Variants in CPNE8 observed in about 807,000 individuals in gnomAD.
The protein encoded by CPNE8 is copine-8.
Under a neutral mutation model 81.5 loss-of-function variants are expected in CPNE8, and 45 were observed. The observed-to-expected ratio is 0.55, with a 90% CI of 0.44 to 0.71. CPNE8 has a LOEUF of 0.71. Among genes scored for constraint, CPNE8 ranks in the 30% least tolerant of loss-of-function variants. The pLI, the probability that CPNE8 is intolerant of heterozygous loss-of-function variation, is 0.00. For synonymous variants in CPNE8, 252 were observed against 226.3 expected, an observed-to-expected ratio of 1.11 and a Z score of -1.02; for missense variants, 594 against 672.1, an observed-to-expected ratio of 0.88 and a Z score of 1.28.
intron 10 of CPNE8, among the ~76,000 whole-genome samples, chr12:38,742,123 T>G (rs986665770): frequency 3.3e-5 from 5 of 152,186 alleles, no homozygotes; most frequent in African/African-American, 1.2e-4. Flanking sequence ...TGGCGATTCC[T>G]TAGGGATCTA....
chr12:38,890,550 C>T (rs1036024719), intron 1 of CPNE8, among the ~76,000 whole-genome samples: 1 of 151,814 alleles, frequency 6.6e-6, no homozygotes, highest in African/African-American at 2.4e-5. Flanking sequence ...TTGTGTGGCA[C>T]AAAATTTAAA....
intron 13 of CPNE8, among the ~76,000 whole-genome samples, chr12:38,703,380 C>T (rs138702032): frequency 0.013 from 1,973 of 152,164 alleles, 29 homozygotes; most frequent in South Asian, 0.042. Context: ...TTTTGACAAT[C>T]CCCCAAACAC....
intron 19 of CPNE8, among the ~76,000 whole-genome samples, chr12:38,658,417 C>A (rs562473326): frequency 1.3e-5 from 2 of 152,130 alleles, no homozygotes; most frequent in African/African-American, 4.8e-5. Context: ...ACCAAATCTA[C>A]GTTTGATTGG....
intron 1 of CPNE8, among the ~76,000 whole-genome samples, chr12:38,902,911 T>C (rs905367745): frequency 2.6e-5 from 4 of 152,138 alleles, no homozygotes; most frequent in Non-Finnish European, 5.9e-5. Flanking sequence ...ATAAGGTAAA[T>C]ACCATAACTA....
At chr12:38,696,429 C>A (rs1939799466) in intron 14 of CPNE8, among the ~76,000 whole-genome samples, 1 of 150,674 alleles carries the variant, frequency 6.6e-6, no homozygotes, top group African/African-American at 2.4e-5. Flanking sequence ...GAGTCTGGGA[C>A]AGTGTTTGTA....
chr12:38,772,877 C>T (rs1941832473), intron 7 of CPNE8, among the ~76,000 whole-genome samples: 1 of 151,796 alleles, frequency 6.6e-6, no homozygotes, highest in African/African-American at 2.4e-5. Flanking sequence ...ATGAAGTGTC[C>T]ATCAACAGAT....
At chr12:38,682,793 G>T (rs752928881) in intron 16 of CPNE8, among the ~76,000 whole-genome samples, 1 of 152,180 alleles carries the variant, frequency 6.6e-6, no homozygotes, top group Non-Finnish European at 1.5e-5. Context: ...GAGATTCTCT[G>T]TGACTGAAGT....
chr12:38,778,080 C>T lies in CPNE8; in HGVS notation c.408-1779G>A, dbSNP rs1176152879. On this transcript the variant is annotated intron_variant, in intron 6 of 19. Transcript: ENST00000331366. Reference sequence around the variant, plus strand: ...AAGCTCAGGGGTCCCACTGATTCTACATGACATTGAGTTGTATAATTATTT... The same window carrying T: ...AAGCTCAGGGGTCCCACTGATTCTATATGACATTGAGTTGTATAATTATTT... Among the ~76,000 whole-genome samples the T allele has an allele frequency of 2.0e-5, 3 of 152,152 alleles. No individual in the cohort carries two copies. In the South Asian group the frequency reaches 6.2e-4, roughly 32 times the overall value.
intron 13 of CPNE8, among the ~76,000 whole-genome samples, 169 bp downstream of exon 13, chr12:38,723,603 G>A (rs1287939705): frequency 6.6e-6 from 1 of 152,106 alleles, no homozygotes; most frequent in Non-Finnish European, 1.5e-5. Context: ...AAAAGTAATA[G>A]CTCTAGGTAT....
chr12:38,689,567 T>C (rs925263865), intron 15 of CPNE8, among the ~76,000 whole-genome samples: 2 of 152,244 alleles, frequency 1.3e-5, no homozygotes, highest in African/African-American at 4.8e-5. Context: ...CTGTTTTATA[T>C]ACAGTACAGT....
At chr12:38,790,000 T>C (rs1592090462) in intron 6 of CPNE8, among the ~76,000 whole-genome samples, 1 of 151,764 alleles carries the variant, frequency 6.6e-6, no homozygotes, top group Non-Finnish European at 1.5e-5. Flanking sequence ...TTAGTAGAAA[T>C]GTAAATTAGT....
At chr12:38,858,839 A>C (rs1470949979) in intron 3 of CPNE8, among the ~76,000 whole-genome samples, 2 of 152,242 alleles carry the variant, frequency 1.3e-5, no homozygotes, top group Non-Finnish European at 2.9e-5. Flanking sequence ...GCAATACACA[A>C]TAAAACAGAT....
chr12:38,795,672 T>A (rs1592095780), intron 6 of CPNE8, among the ~76,000 whole-genome samples: 1 of 151,998 alleles, frequency 6.6e-6, no homozygotes, highest in African/African-American at 2.4e-5. Flanking sequence ...GTAATCAAAT[T>A]TATAGAAAGA....
chr12:38,862,813 G>C (rs181721116), intron 3 of CPNE8, among the ~76,000 whole-genome samples: 91 of 152,242 alleles, frequency 6.0e-4, no homozygotes, highest in African/African-American at 2.2e-3. Flanking sequence ...GTCAGGCCTG[G>C]TGGCACACAC....
At chr12:38,676,173 GT>G (rs1939285216) in intron 17 of CPNE8, 1 of 562,414 alleles carries the variant, frequency 1.8e-6, no homozygotes, top group Non-Finnish European at 2.3e-6. Context: ...TATAACCAGA[GT>G]TTTATTTAAT....
chr12:38,878,378 A>T (rs1944097970), intron 1 of CPNE8, among the ~76,000 whole-genome samples: 1 of 152,196 alleles, frequency 6.6e-6, no homozygotes, highest in Admixed American at 6.5e-5. Flanking sequence ...TAAATTAAAA[A>T]GTAGATAAGC....
At chr12:38,822,826 T>A (rs1011043499) in intron 6 of CPNE8, among the ~76,000 whole-genome samples, 1 of 152,154 alleles carries the variant, frequency 6.6e-6, no homozygotes, top group Non-Finnish European at 1.5e-5. Context: ...GTAGCAGAGA[T>A]AGGACTAAAA....
In CPNE8 at chr12:38,776,622, A is replaced by C. The variant is rs1198873258; in HGVS notation, c.408-321T>G. 2.6e-5 allele frequency among the ~76,000 whole-genome samples: 4 copies of C among 152,140 alleles called. No homozygotes were observed. In the East Asian group the frequency reaches 5.8e-4, roughly 22 times the overall value. On this transcript the variant is annotated intron_variant, in intron 6 of 19. Transcript: ENST00000331366. ...ACCACACCCGGCCCTCAATGAGACTAAACTTTCAACATAACTTTAAACATG... is the reference window on the plus strand; with the variant it reads ...ACCACACCCGGCCCTCAATGAGACTCAACTTTCAACATAACTTTAAACATG...
At chr12:38,781,599 A>G (rs1942054385) in intron 6 of CPNE8, among the ~76,000 whole-genome samples, 1 of 152,102 alleles carries the variant, frequency 6.6e-6, no homozygotes, top group Non-Finnish European at 1.5e-5. Flanking sequence ...TAACCTCAAT[A>G]CTGCATGCAT....
Sources: allele counts gnomAD v4.1 joint callset (sites outside exome capture counted in the v4.1 genomes callset), GRCh38; gene constraint gnomAD v4.1.1; transcripts MANE v1.5; gene names NCBI Gene and HGNC (gene_info 2026-07-23, HGNC 2026-07-21).